DNAH9: variants seen among roughly 807,000 people sequenced by gnomAD.
DNAH9 encodes DNAH9 variant protein.
In DNAH9, 345 loss-of-function variants were observed where a neutral mutation model predicts 471.6. The observed-to-expected ratio is 0.73, with a 90% CI of 0.67 to 0.80. The LOEUF (loss-of-function observed/expected upper bound fraction) is 0.80. DNAH9 is among the 30% of genes least tolerant of loss of function. DNAH9 has a pLI of 0.00. For synonymous variants in DNAH9, 2,093 were observed against 2,123.6 expected, an observed-to-expected ratio of 0.99 and a Z score of 0.40; for missense variants, 5,407 against 5,609.2, an observed-to-expected ratio of 0.96 and a Z score of 1.15.
chr17:11,854,034 C>G lies in DNAH9; in HGVS notation c.9539C>G (p.Ser3180Cys). The G allele has an allele frequency of 2.5e-6, 4 of 1,614,166 alleles. No individual in the cohort carries two copies. Among genetic ancestry groups the G allele is most frequent in the Non-Finnish European group, 3.4e-6 (4 of 1,180,030 alleles). The change falls in exon 50 of 69, where the codon TCT (serine) becomes TGT (cysteine). Residue 3180 changes from serine to cysteine, a missense_variant. Physicochemically the swap from Ser to Cys is moderately radical, Grantham distance 112. Around this residue, in one of 3 missense-constraint regions of DNAH9, gnomAD observed 4,636 missense variants for 4,900.3 expected, o/e 0.95. Coordinates refer to ENST00000262442, the MANE Select transcript of DNAH9 (RefSeq NM_001372.4). ...TNLTELKSFG[S>C]PPLAVSNVSA... ...CTGACAGAGCTGAAGTCATTTGGCT[C>G]TCCGCCTCTGGCCGTCAGCAATGTC...
intron 7 of DNAH9, among the ~76,000 whole-genome samples, chr17:11,631,772 A>G (rs1597409480): frequency 6.6e-6 from 1 of 152,228 alleles, no homozygotes; most frequent in East Asian, 1.9e-4. Flanking sequence ...GAAACATGCC[A>G]AAATGTCATC....
At chr17:11,816,437 T>C (rs1217019328) in intron 45 of DNAH9, among the ~76,000 whole-genome samples, 2 of 152,232 alleles carry the variant, frequency 1.3e-5, no homozygotes, top group African/African-American at 4.8e-5. Flanking sequence ...AGCATGAGAA[T>C]GATGTGCCAT....
chr17:11,627,156 TC>T (rs1446058215), intron 6 of DNAH9, among the ~76,000 whole-genome samples: 1 of 151,992 alleles, frequency 6.6e-6, no homozygotes, highest in Non-Finnish European at 1.5e-5. Flanking sequence ...CCCAGATAAA[TC>T]TGTTGTCCAC....
At chr17:11,854,571 A>G in intron 50 of DNAH9, 143 bp downstream of exon 50, 1 of 1,052,902 alleles carries the variant, frequency 9.5e-7, no homozygotes, top group Non-Finnish European at 1.3e-6. Context: ...ATTTTTCAGT[A>G]GAGGCAACTT....
intron 20 of DNAH9, among the ~76,000 whole-genome samples, chr17:11,692,863 T>C (rs749040911): frequency 1.3e-5 from 2 of 152,208 alleles, no homozygotes; most frequent in Admixed American, 6.5e-5. Flanking sequence ...GAAAATATAC[T>C]TAAGTATTTT....
intron 49 of DNAH9, among the ~76,000 whole-genome samples, chr17:11,847,172 G>C (rs1971256517): frequency 6.6e-6 from 1 of 152,122 alleles, no homozygotes. Context: ...TGTTCACCCT[G>C]TTGATAGTTT....
intron 4 of DNAH9, among the ~76,000 whole-genome samples, chr17:11,615,907 G>A (rs1433180566): frequency 1.3e-5 from 2 of 152,254 alleles, no homozygotes; most frequent in East Asian, 3.9e-4. Flanking sequence ...CCAACACAGA[G>A]GTTCTAATAC....
At chr17:11,801,248 T>C (rs1018088974) in intron 43 of DNAH9, among the ~76,000 whole-genome samples, 3 of 152,196 alleles carry the variant, frequency 2.0e-5, no homozygotes, top group African/African-American at 7.2e-5. Flanking sequence ...CTCTATACCA[T>C]CATCCTATGA....
In DNAH9 at chr17:11,689,748, T is replaced by C. The variant is rs139705730; in HGVS notation, c.3926T>C (p.Ile1309Thr). ...VCQLKELWDTIGMVTSSIHAW... is the reference protein window; with the variant it reads ...VCQLKELWDTTGMVTSSIHAW... Reference sequence around the variant, plus strand: ...CAGCTGAAGGAGCTCTGGGACACCATTGGAATGGTGACCTCCAGCATCCAT... The same window carrying C: ...CAGCTGAAGGAGCTCTGGGACACCACTGGAATGGTGACCTCCAGCATCCAT... Residue 1309 changes from isoleucine (I) to threonine (T), a missense_variant, in exon 20 of 69, where the codon ATT becomes ACT. Ile to Thr is a moderately conservative substitution (Grantham distance 89, BLOSUM62 -1). Around this residue, in one of 3 missense-constraint regions of DNAH9, gnomAD observed 4,636 missense variants for 4,900.3 expected, o/e 0.95. Coordinates refer to ENST00000262442, the MANE Select transcript of DNAH9 (RefSeq NM_001372.4). 8.1e-6 allele frequency: 13 copies of C among 1,613,972 alleles called. No individual in the cohort carries two copies. The highest frequency in any genetic ancestry group is 2.7e-5 in the African/African-American group (2 of 74,894).
intron 19 of DNAH9, among the ~76,000 whole-genome samples, chr17:11,681,221 A>G (rs1015861209): frequency 1.1e-4 from 17 of 152,226 alleles, no homozygotes; most frequent in African/African-American, 3.1e-4. Flanking sequence ...AAGTTCTCAC[A>G]GACTGTTCTT....
chr17:11,792,970 C>T (rs946089695), intron 41 of DNAH9, among the ~76,000 whole-genome samples: 5 of 152,238 alleles, frequency 3.3e-5, no homozygotes, highest in South Asian at 2.1e-4. Context: ...CTTCATCTGG[C>T]GAAGCATCTA....
At chr17:11,749,706 T>C (rs927778617) in intron 32 of DNAH9, among the ~76,000 whole-genome samples, 3 of 152,148 alleles carry the variant, frequency 2.0e-5, no homozygotes, top group Non-Finnish European at 2.9e-5. Context: ...GGATAATTGA[T>C]TGTAACCGTA....
intron 24 of DNAH9, among the ~76,000 whole-genome samples, chr17:11,703,974 A>T (rs2074649493): frequency 6.6e-6 from 1 of 152,224 alleles, no homozygotes; most frequent in African/African-American, 2.4e-5. Flanking sequence ...TCTCAACCGA[A>T]TGATACATTT....
At chr17:11,899,194 ATT>A (rs869283899) in intron 59 of DNAH9, among the ~76,000 whole-genome samples, 5 of 151,976 alleles carry the variant, frequency 3.3e-5, no homozygotes, top group Admixed American at 3.3e-4. Flanking sequence ...AAAAAAAAAA[ATT>A]TAAGCATTGT....
At chr17:11,779,726 T>C (rs760655210) in intron 38 of DNAH9, among the ~76,000 whole-genome samples, 3 of 152,248 alleles carry the variant, frequency 2.0e-5, no homozygotes, top group Non-Finnish European at 4.4e-5. Context: ...CCATGAATTA[T>C]ATTTCATTTT....
chr17:11,852,109 T>G (rs1410814603), intron 49 of DNAH9, among the ~76,000 whole-genome samples: 1 of 152,172 alleles, frequency 6.6e-6, no homozygotes, highest in Non-Finnish European at 1.5e-5. Flanking sequence ...TGAAATCCAT[T>G]GCAAGAATGA....
chr17:11,910,531 T>G (rs887542036), intron 61 of DNAH9, among the ~76,000 whole-genome samples: 10 of 152,172 alleles, frequency 6.6e-5, no homozygotes, highest in African/African-American at 2.2e-4. Flanking sequence ...TGTAACAAGT[T>G]TTTGTGTGAA....
chr17:11,690,131 T>TTAAAGGAGCTGCAGACTACCTG lies in DNAH9; in HGVS notation c.4310_4331dup (p.Trp1444CysfsTer16). 1 of 1,614,164 alleles carries TTAAAGGAGCTGCAGACTACCTG rather than the reference T, an allele frequency of 6.2e-7. No individual in the cohort carries two copies. Among genetic ancestry groups the TTAAAGGAGCTGCAGACTACCTG allele is most frequent in the South Asian group, 1.1e-5 (1 of 91,080 alleles). On this transcript the variant is annotated frameshift_variant, in exon 20 of 69. Transcript: ENST00000262442. LOFTEE classifies it high-confidence loss of function. ...AAAAGAGATGGGTATGGAGAAAACCTTAAAGGAGCTGCAGACTACCTGGGC... is the reference window on the plus strand; with the variant it reads ...AAAAGAGATGGGTATGGAGAAAACCTTAAAGGAGCTGCAGACTACCTGTAAAGGAGCTGCAGACTACCTGGGC...
chr17:11,932,046 G>C lies in DNAH9; in HGVS notation c.12138G>C (p.Glu4046Asp). The C allele has an allele frequency of 3.7e-6, 6 of 1,614,202 alleles. No individual in the cohort carries two copies. The highest frequency in any genetic ancestry group is 5.1e-6 in the Non-Finnish European group (6 of 1,180,042). The change falls in exon 64 of 69, where the codon GAG becomes GAC. Residue 4046 changes from glutamate to aspartate, a missense_variant. Physicochemically the swap from Glu to Asp is conservative, Grantham distance 45 (BLOSUM62 2). Around this residue, in one of 3 missense-constraint regions of DNAH9, gnomAD observed 4,636 missense variants for 4,900.3 expected, o/e 0.95. Coordinates refer to ENST00000262442, the MANE Select transcript of DNAH9 (RefSeq NM_001372.4). The surrounding 1 kb of genome is among the most constrained non-coding windows in gnomAD (Gnocchi z 4.3). ...DTLEMCSRETEFKSILFALCY... is the reference protein window; with the variant it reads ...DTLEMCSRETDFKSILFALCY... ...TGGAGATGTGTTCTCGGGAGACGGA[G>C]TTTAAGAGCATCCTCTTTGCTCTTT...
Sources: gnomAD v4.1 joint callset for allele counts (sites outside exome capture counted in the v4.1 genomes callset) on GRCh38, gnomAD v4.1.1 for gene constraint, gnomAD v4.1.1 regional missense constraint, Gnocchi (gnomAD v3.1) non-coding constraint, MANE v1.5 for transcripts, NCBI Gene and HGNC (gene_info 2026-07-23, HGNC 2026-07-21) for gene names.